COL13A1: variants seen among roughly 807,000 people sequenced by gnomAD.
COL13A1 encodes the protein collagen alpha-1(XIII) chain.
In COL13A1, 89 loss-of-function variants were observed where a neutral mutation model predicts 130.9. The ratio of observed to expected loss-of-function variants is 0.68; its 90% CI spans 0.57 to 0.81. The LOEUF (loss-of-function observed/expected upper bound fraction) is 0.81, where lower values mean the gene tolerates loss of function less well. Among genes scored for constraint, COL13A1 ranks in the 30% least tolerant of loss-of-function variants. COL13A1 has a pLI of 0.00. For synonymous variants in COL13A1, 402 were observed against 341.6 expected (o/e 1.18, Z -1.95); for missense variants, 879 against 934.6 (o/e 0.94, Z 0.78).
chr10:69,870,169 T>A (rs1329956521), intron 3 of COL13A1, among the ~76,000 whole-genome samples: 1 of 149,908 alleles, frequency 6.7e-6, no homozygotes, highest in African/African-American at 2.5e-5. Context: ...TGTATGTGTG[T>A]GTACTGTATA....
intron 2 of COL13A1, among the ~76,000 whole-genome samples, chr10:69,865,127 G>A (rs888944122): frequency 3.9e-5 from 6 of 152,180 alleles, no homozygotes; most frequent in Admixed American, 1.3e-4. Flanking sequence ...ACTGAATGCC[G>A]GTCTCACCGC....
chr10:69,887,625 G>C, intron 8 of COL13A1, 134 bp downstream of exon 8: 1 of 893,678 alleles, frequency 1.1e-6, no homozygotes, highest in Non-Finnish European at 1.8e-6. Flanking sequence ...TGCTTCTACA[G>C]CCATTCATGG....
rs554582027 is a variant in COL13A1 at position 69,929,246 on chromosome 10, C to A, written c.1485+247C>A. On this transcript the variant is annotated intron_variant, in intron 28 of 40. Transcript: ENST00000645393. ...GCTGTGGGGCCTGGGTCTAGACACA[C>A]CCCTGCCCTTGCCCCAACCAGACCC... Among the ~76,000 whole-genome samples, 4 of 152,016 alleles carry A rather than the reference C, an allele frequency of 2.6e-5. No homozygotes were observed. In the East Asian group the frequency reaches 7.8e-4, roughly 30 times the overall value.
intron 1 of COL13A1, among the ~76,000 whole-genome samples, chr10:69,803,245 G>C (rs1326677547): frequency 2.0e-5 from 3 of 152,378 alleles, no homozygotes; most frequent in South Asian, 4.1e-4. Context: ...GGCCGCTAGG[G>C]TCCAAGTGTG....
intron 1 of COL13A1, among the ~76,000 whole-genome samples, chr10:69,819,051 G>A (rs532648215): frequency 1.4e-4 from 21 of 152,348 alleles, no homozygotes; most frequent in African/African-American, 3.6e-4. Context: ...GCTGTTTGCT[G>A]ATGGACTGTG....
intron 5 of COL13A1, among the ~76,000 whole-genome samples, chr10:69,876,837 G>T (rs956008171): frequency 2.6e-5 from 4 of 152,202 alleles, no homozygotes; most frequent in Non-Finnish European, 4.4e-5. Flanking sequence ...CAAAGTCCCT[G>T]CTCCCAGGGA....
chr10:69,892,315 A>T (rs2061257163), intron 10 of COL13A1, among the ~76,000 whole-genome samples: 1 of 151,762 alleles, frequency 6.6e-6, no homozygotes, highest in South Asian at 2.1e-4. Context: ...GGGCACTGGC[A>T]CTCACCCTCA....
intron 2 of COL13A1, among the ~76,000 whole-genome samples, chr10:69,836,249 T>A (rs755100569): frequency 6.6e-6 from 1 of 152,096 alleles, no homozygotes; most frequent in Non-Finnish European, 1.5e-5. Flanking sequence ...AGGGCTCCGG[T>A]GGGGCTAGGC....
intron 17 of COL13A1, among the ~76,000 whole-genome samples, chr10:69,910,930 AG>A (rs1228967119): frequency 6.6e-6 from 1 of 152,194 alleles, no homozygotes; most frequent in Non-Finnish European, 1.5e-5. Context: ...GTTTGCATGA[AG>A]GACCATGGCT....
chr10:69,838,144 G>T (rs1020970397), intron 2 of COL13A1, among the ~76,000 whole-genome samples: 2 of 152,214 alleles, frequency 1.3e-5, no homozygotes, highest in South Asian at 2.1e-4. Flanking sequence ...CTCCTCAAGG[G>T]GCCACAGGAG....
At chr10:69,883,660 A>G (rs1259671045) in intron 7 of COL13A1, among the ~76,000 whole-genome samples, 1 of 152,206 alleles carries the variant, frequency 6.6e-6, no homozygotes, top group Non-Finnish European at 1.5e-5. Context: ...GAGGGCAGGC[A>G]GGGAAGGTTT....
At chr10:69,910,606 C>A (rs1427330888) in intron 17 of COL13A1, among the ~76,000 whole-genome samples, 2 of 152,246 alleles carry the variant, frequency 1.3e-5, no homozygotes, top group Admixed American at 1.3e-4. Context: ...CCAGCAGCCC[C>A]TGTGCTGCCC....
Position 69,805,413 on chromosome 10 carries a change from G to A in COL13A1, c.294+2696G>A, listed in dbSNP as rs73263780. On this transcript the variant is annotated intron_variant, in intron 1 of 40. Coordinates refer to ENST00000645393, the MANE Select transcript of COL13A1 (RefSeq NM_001368882.1). ...GGGAGCTGTCCCACAGGTGGATGGC[G>A]TGAGTGGCCTTATCTGTGGGGGCCT... Among the ~76,000 whole-genome samples, 373 of 152,312 alleles carry A rather than the reference G, an allele frequency of 2.4e-3. 2 individuals carry two copies. The highest frequency in any genetic ancestry group is 8.2e-3 in the African/African-American group (339 of 41,568).
intron 30 of COL13A1, among the ~76,000 whole-genome samples, chr10:69,930,927 C>G (rs1162243497): frequency 1.3e-5 from 2 of 152,210 alleles, no homozygotes; most frequent in African/African-American, 4.8e-5. Context: ...TACAGAAGCC[C>G]TATACCCGGG....
intron 2 of COL13A1, among the ~76,000 whole-genome samples, chr10:69,828,910 C>T (rs1287068194): frequency 6.6e-6 from 1 of 152,218 alleles, no homozygotes. Flanking sequence ...GGTGTAGGTG[C>T]TTGAGAGCAG....
intron 33 of COL13A1, among the ~76,000 whole-genome samples, chr10:69,937,204 T>C (rs1589647212): frequency 1.3e-5 from 2 of 152,272 alleles, no homozygotes; most frequent in South Asian, 2.1e-4. Flanking sequence ...GGCTGGGGGC[T>C]GTTGATGTGA....
intron 2 of COL13A1, among the ~76,000 whole-genome samples, chr10:69,830,995 C>A (rs1433727484): frequency 6.6e-6 from 1 of 152,180 alleles, no homozygotes; most frequent in East Asian, 1.9e-4. Flanking sequence ...CATGTTGTAG[C>A]ATGTATCAGT....
chr10:69,829,081 C>T (rs1312022840), intron 2 of COL13A1, among the ~76,000 whole-genome samples: 1 of 152,132 alleles, frequency 6.6e-6, no homozygotes, highest in East Asian at 1.9e-4. Flanking sequence ...CCCACCTGGC[C>T]CTTTCCAACA....
chr10:69,837,173 A>G lies in COL13A1; in HGVS notation c.364+14735A>G, dbSNP rs534415406. Reference sequence around the variant, plus strand: ...AACCTGGATGTGAGTCCTTCTCAACAAAGAACTTACTTTCCCTCGGGGTGT... The same window carrying G: ...AACCTGGATGTGAGTCCTTCTCAACGAAGAACTTACTTTCCCTCGGGGTGT... On this transcript the variant is annotated intron_variant, in intron 2 of 40. Coordinates refer to ENST00000645393, the MANE Select transcript of COL13A1 (RefSeq NM_001368882.1). Among the ~76,000 whole-genome samples the G allele has an allele frequency of 5.9e-5, 9 of 152,304 alleles. No homozygotes were observed. In the South Asian group the frequency reaches 1.9e-3, roughly 32 times the overall value.
Sources: allele counts gnomAD v4.1 joint callset (sites outside exome capture counted in the v4.1 genomes callset), GRCh38; gene constraint gnomAD v4.1.1; transcripts MANE v1.5; gene names NCBI Gene and HGNC (gene_info 2026-07-23, HGNC 2026-07-21).